The following DDX42 variants were observed in gnomAD, a reference collection of about 807,000 sequenced individuals.
DDX42 encodes the protein ATP-dependent RNA helicase DDX42.
In DDX42, 22 loss-of-function variants were observed where a neutral mutation model predicts 101.5. The observed-to-expected ratio is 0.22, with a 90% CI of 0.15 to 0.31. The LOEUF (loss-of-function observed/expected upper bound fraction) is 0.31, where lower values mean the gene tolerates loss of function less well. Ranked by LOEUF, DDX42 falls within the 10% of genes least tolerant of loss-of-function variation. The pLI, the probability that DDX42 is intolerant of heterozygous loss-of-function variation, is 1.00. For synonymous variants in DDX42, 402 were observed against 401.2 expected, an observed-to-expected ratio of 1.00 and a Z score of -0.02; for missense variants, 849 against 1,199.9, an observed-to-expected ratio of 0.71 and a Z score of 4.32.
chr17:63,781,366 C>T lies in DDX42; in HGVS notation c.-16-5668C>T, dbSNP rs573374538. Among the ~76,000 whole-genome samples, 10 of 152,126 alleles carry T rather than the reference C, an allele frequency of 6.6e-5. No individual in the cohort carries two copies. In the South Asian group the frequency reaches 1.5e-3, roughly 22 times the overall value. Reference sequence around the variant, plus strand: ...CTGAGTAGCCGGAACTACAGGTGCCCGCCACCACGTCCGGCTAATTTTTTG... The same window carrying T: ...CTGAGTAGCCGGAACTACAGGTGCCTGCCACCACGTCCGGCTAATTTTTTG... On this transcript the variant is annotated intron_variant, in intron 1 of 17. Coordinates refer to ENST00000389924, the MANE Select transcript of DDX42 (RefSeq NM_203499.3).
intron 1 of DDX42, among the ~76,000 whole-genome samples, chr17:63,781,383 A>G (rs1276569653): frequency 6.6e-6 from 1 of 151,914 alleles, no homozygotes; most frequent in East Asian, 1.9e-4. Context: ...ACGTCCGGCT[A>G]ATTTTTTGTA....
rs2039557465 is a variant in DDX42, at chr17:63,787,177, G to T, written c.128G>T (p.Ser43Ile). The change falls in exon 2 of 18, where the codon AGC becomes ATC. Residue 43 changes from serine (S) to isoleucine (I), a missense_variant. By Grantham distance (142) the Ser-to-Ile change is moderately radical. This residue lies in a region of DDX42 where 92 missense variants were observed against 106.7 expected (regional missense o/e 0.86). Coordinates refer to ENST00000389924, the MANE Select transcript of DDX42 (RefSeq NM_203499.3). ...TCCCACAGTGCCTTTGGGGCAACCAGCTCTTCTTCTGGATTTGGAAAGTCA... is the reference window on the plus strand; with the variant it reads ...TCCCACAGTGCCTTTGGGGCAACCATCTCTTCTTCTGGATTTGGAAAGTCA... ...QQSHSAFGAT[S>I]SSSGFGKSAP... 1.2e-6 allele frequency: 2 copies of T among 1,614,138 alleles called. No homozygotes were observed. Among genetic ancestry groups the T allele is most frequent in the Non-Finnish European group, 1.7e-6 (2 of 1,180,030 alleles).
At chr17:63,803,072 T>C (rs569107331) in intron 6 of DDX42, among the ~76,000 whole-genome samples, 50 of 152,296 alleles carry the variant, frequency 3.3e-4, no homozygotes, top group African/African-American at 1.1e-3. Flanking sequence ...GTGTTAACAT[T>C]TGGATGATCT....
chr17:63,810,796 T>C (rs976811915), intron 12 of DDX42, among the ~76,000 whole-genome samples: 2 of 152,242 alleles, frequency 1.3e-5, no homozygotes, highest in African/African-American at 2.4e-5. Context: ...CCCTAAATTA[T>C]ACAGTTTTAT....
chr17:63,811,684 A>T (rs1010920387), intron 13 of DDX42: 1 of 576,408 alleles, frequency 1.7e-6, no homozygotes, highest in Non-Finnish European at 3.1e-6. Flanking sequence ...GTTGCTTGCC[A>T]TGGTTATTGT....
chr17:63,777,983 A>G (rs375537946), intron 1 of DDX42, among the ~76,000 whole-genome samples: 2 of 152,186 alleles, frequency 1.3e-5, no homozygotes, highest in African/African-American at 2.4e-5. Context: ...TGATGCCACA[A>G]TGGAGGGTCT....
Position 63,774,246 on chromosome 17 carries a change from C to CGGCGGCGGCGGTGGTGGTGGT in DDX42, c.-136_-135insTGGTGGTGGTGGCGGCGGCGG. ...GTGGCGGCGGCGGTGGTGGTGGTGG[C>CGGCGGCGGCGGTGGTGGTGGT]GGCGGCGGCGGCGAAGGGGGCGGAG... On this transcript the variant is annotated 5_prime_UTR_variant, in exon 1 of 18. Coordinates refer to ENST00000389924, the MANE Select transcript of DDX42 (RefSeq NM_203499.3). 7.5e-6 allele frequency: 1 copy of CGGCGGCGGCGGTGGTGGTGGT among 133,964 alleles called. No individual in the cohort carries two copies. Among genetic ancestry groups the CGGCGGCGGCGGTGGTGGTGGT allele is most frequent in the Non-Finnish European group, 1.1e-5 (1 of 88,880 alleles). The allele number at this position is 133,964 out of a possible 1,614,324, so 8.3% of individuals were successfully genotyped here. A position where few individuals can be genotyped will look rare whatever the true frequency, so the allele number is the denominator to read the frequency against.
At chr17:63,783,118 A>G (rs1474386563) in intron 1 of DDX42, among the ~76,000 whole-genome samples, 2 of 152,182 alleles carry the variant, frequency 1.3e-5, no homozygotes, top group African/African-American at 4.8e-5. Context: ...GCTCCCACTC[A>G]TGGACCACCA....
intron 15 of DDX42, among the ~76,000 whole-genome samples, chr17:63,814,758 C>T (rs1373915261): frequency 7.1e-6 from 1 of 140,042 alleles, no homozygotes; most frequent in Non-Finnish European, 1.5e-5. Context: ...GGCGCAGTCT[C>T]AGCTCACTGC....
Position 63,808,840 on chromosome 17 carries a change from G to A in DDX42, c.1044G>A (p.Arg348=), listed in dbSNP as rs757808323. ...LCQQIHAECK[R]FGKAYNLRSV... ...TGTAGATCCATGCAGAATGTAAGCG[G>A]TTTGGAAAAGCATATAATCTTCGAT... Residue 348 remains arginine, a synonymous_variant, in exon 10 of 18, where the codon CGG becomes CGA. Coordinates refer to ENST00000389924, the MANE Select transcript of DDX42 (RefSeq NM_203499.3). The A allele has an allele frequency of 6.2e-6, 10 of 1,613,876 alleles. No individual in the cohort carries two copies. In the African/African-American group the frequency reaches 1.2e-4, roughly 19 times the overall value.
intron 1 of DDX42, among the ~76,000 whole-genome samples, chr17:63,777,396 C>T (rs779448084): frequency 1.1e-4 from 16 of 151,652 alleles, no homozygotes; most frequent in Admixed American, 2.6e-4. Flanking sequence ...TCCTATAATA[C>T]GGAGTTGGAC....
rs538740643 is a variant in DDX42, at chr17:63,803,733, T to C, written c.622-1338T>C. ...GCAACCTTGGCTCACTGCAACCTCC[T>C]CCTCCTCCCGGGTTCAAGAGATTCT... On this transcript the variant is annotated intron_variant, in intron 6 of 17. Coordinates refer to ENST00000389924, the MANE Select transcript of DDX42 (RefSeq NM_203499.3). 9.9e-5 allele frequency among the ~76,000 whole-genome samples: 15 copies of C among 151,652 alleles called. No individual in the cohort carries two copies. The South Asian group carries it at 2.9e-3, about 30-fold the overall frequency.
chr17:63,799,472 ATTATTAG>A (rs2039735670), intron 4 of DDX42, 110 bp from the exon 5 acceptor site: 2 of 1,070,056 alleles, frequency 1.9e-6, no homozygotes, highest in African/African-American at 1.6e-5. Context: ...CTGCTTTGTT[ATTATTAG>A]TGTTGAGAGT....
At position 63,774,201 on chromosome 17, in the gene DDX42, AGGCGGTGGCGGTGGTGGCGGTGGCGGC is replaced by A; in HGVS notation, c.-183_-157del. On this transcript the variant is annotated 5_prime_UTR_variant, in exon 1 of 18. Transcript: ENST00000389924. ...CTCCCCCCTTCAGCAACGGGCCGTG[AGGCGGTGGCGGTGGTGGCGGTGGCGGC>A]GGCGGTGGTGGTGGTGGCGGCGGCG... The A allele has an allele frequency of 3.8e-6, 1 of 260,042 alleles. No individual in the cohort carries two copies. Among genetic ancestry groups the A allele is most frequent in the Non-Finnish European group, 7.0e-6 (1 of 142,550 alleles). The allele number at this position is 260,042 out of a possible 1,614,324, so 16.1% of individuals were successfully genotyped here.
At chr17:63,807,111 A>G (rs936074931) in intron 8 of DDX42, among the ~76,000 whole-genome samples, 8 of 152,110 alleles carry the variant, frequency 5.3e-5, no homozygotes, top group African/African-American at 1.9e-4. Context: ...GCAACCCTTC[A>G]TTATAAATTG....
chr17:63,799,491 C>G (rs758729670), intron 4 of DDX42, 98 bp from the exon 5 acceptor site: 2 of 1,322,590 alleles, frequency 1.5e-6, no homozygotes, highest in Admixed American at 1.9e-5. Context: ...GTTGAGAGTT[C>G]CTGTGCTGTG....
chr17:63,794,402 C>A (rs549094830), intron 3 of DDX42, among the ~76,000 whole-genome samples: 1 of 151,862 alleles, frequency 6.6e-6, no homozygotes, highest in African/African-American at 2.4e-5. Flanking sequence ...TTTAGCCAGG[C>A]GTGGTGGCAT....
chr17:63,804,999 T>G, intron 6 of DDX42, 72 bp from the exon 7 acceptor site: 1 of 1,528,488 alleles, frequency 6.5e-7, no homozygotes, highest in Non-Finnish European at 8.7e-7. Context: ...GAAAAGATTA[T>G]TTTGCAATAA....
At chr17:63,788,202 G>A (rs2039573151) in intron 2 of DDX42, among the ~76,000 whole-genome samples, 1 of 149,446 alleles carries the variant, frequency 6.7e-6, no homozygotes, top group African/African-American at 2.6e-5. Context: ...ACTGCACCTG[G>A]CCTGGTGGTC....
Sources: gnomAD v4.1 joint callset for allele counts (sites outside exome capture counted in the v4.1 genomes callset) on GRCh38, gnomAD v4.1.1 for gene constraint, gnomAD v4.1.1 regional missense constraint, MANE v1.5 for transcripts, NCBI Gene and HGNC (gene_info 2026-07-23, HGNC 2026-07-21) for gene names.